Variants in FBXL13 observed in about 807,000 individuals in gnomAD.
The protein encoded by FBXL13 is F-box and leucine-rich repeat protein 13.
A neutral mutation model predicts 83.6 loss-of-function variants in FBXL13; 67 were observed. The ratio of observed to expected loss-of-function variants is 0.80; its 90% confidence interval spans 0.66 to 0.98. The LOEUF (loss-of-function observed/expected upper bound fraction) is 0.98. FBXL13 is among the 50% of genes least tolerant of loss of function. FBXL13 has a pLI of 0.00. For synonymous variants in FBXL13, 272 were observed against 299.5 expected, an observed-to-expected ratio of 0.91 and a Z score of 0.95; for missense variants, 822 against 866.5, an observed-to-expected ratio of 0.95 and a Z score of 0.64.
chr7:102,925,224 T>C (rs1033985366), intron 10 of FBXL13, among the ~76,000 whole-genome samples: 1 of 151,968 alleles, frequency 6.6e-6, no homozygotes, highest in Non-Finnish European at 1.5e-5. Flanking sequence ...TGAAACCCCA[T>C]CTCTACAGAA....
rs771827958 is a variant in FBXL13 at position 103,027,440 on chromosome 7, A to G, written c.327+9T>C. The G allele has an allele frequency of 1.3e-6, 2 of 1,588,680 alleles. No individual in the cohort carries two copies. The highest frequency in any genetic ancestry group is 2.2e-5 in the South Asian group (2 of 89,448). On this transcript the variant is annotated intron_variant, in intron 5 of 19. Coordinates refer to ENST00000313221, the Ensembl canonical transcript of FBXL13. ...CGGATTCTTAAAAAATTGTTTCAATATACAATACCAGCTCATCTTCTTTCT... is the reference window on the plus strand; with the variant it reads ...CGGATTCTTAAAAAATTGTTTCAATGTACAATACCAGCTCATCTTCTTTCT...
At chr7:103,061,894 C>G (rs796509962) in intron 1 of FBXL13, among the ~76,000 whole-genome samples, 19 of 147,116 alleles carry the variant, frequency 1.3e-4, no homozygotes, top group African/African-American at 4.5e-4. Flanking sequence ...GCTGAGATCG[C>G]GCCACTGCAC....
chr7:103,068,575 T>A (rs1798617211), intron 1 of FBXL13, among the ~76,000 whole-genome samples: 2 of 152,250 alleles, frequency 1.3e-5, no homozygotes, highest in Admixed American at 1.3e-4. Flanking sequence ...AGGAAATTTT[T>A]CTGAAGTGAG....
chr7:102,964,466 G>A (rs1365203336), intron 7 of FBXL13, among the ~76,000 whole-genome samples: 6 of 148,580 alleles, frequency 4.0e-5, no homozygotes, highest in Admixed American at 2.0e-4. Context: ...GCAGTGGCAC[G>A]ATCTTGGCTC....
chr7:102,976,633 A>AAACACCACACTCCCG (rs1483403534), intron 6 of FBXL13, among the ~76,000 whole-genome samples: 2 of 151,956 alleles, frequency 1.3e-5, no homozygotes, highest in Non-Finnish European at 2.9e-5. Flanking sequence ...CTCAGTCGCA[A>AAACACCACACTCCCG]AACACCACAC....
intron 16 of FBXL13, among the ~76,000 whole-genome samples, chr7:102,864,034 C>G: frequency 6.6e-6 from 1 of 152,178 alleles, no homozygotes; most frequent in East Asian, 1.9e-4. Flanking sequence ...CACACTGCCA[C>G]CAGAGTTATG....
chr7:102,855,912 C>G (rs1323329417), intron 16 of FBXL13, among the ~76,000 whole-genome samples: 2 of 149,410 alleles, frequency 1.3e-5, no homozygotes, highest in Non-Finnish European at 3.0e-5. Flanking sequence ...AAAAAAAAAG[C>G]CTGTATTAAT....
At chr7:102,885,095 T>A (rs912112677) in intron 11 of FBXL13, among the ~76,000 whole-genome samples, 1 of 152,244 alleles carries the variant, frequency 6.6e-6, no homozygotes, top group African/African-American at 2.4e-5. Flanking sequence ...TCTACACGCA[T>A]GTACATCTAT....
intron 1 of FBXL13, among the ~76,000 whole-genome samples, chr7:103,058,849 A>C (rs1797590828): frequency 2.6e-5 from 4 of 152,236 alleles, no homozygotes. Flanking sequence ...CACTTATAAT[A>C]AACTACTTTT....
intron 2 of FBXL13, among the ~76,000 whole-genome samples, chr7:103,054,439 A>G (rs1032607342): frequency 1.3e-5 from 2 of 151,352 alleles, no homozygotes; most frequent in African/African-American, 2.4e-5. Flanking sequence ...GGTTCCACAC[A>G]TATCTAATTT....
Position 102,834,098 on chromosome 7 carries a change from G to GGAAGGA in FBXL13, c.1720-1125_1720-1124insTCCTTC, listed in dbSNP as rs1432090797. Among the ~76,000 whole-genome samples the GGAAGGA allele has an allele frequency of 1.2e-3, 117 of 93,906 alleles. 1 individual carries two copies. Among genetic ancestry groups the GGAAGGA allele is most frequent in the African/African-American group, 4.4e-3 (87 of 19,672 alleles). The allele number at this position is 93,906 out of a possible 152,430, so 61.6% of individuals were successfully genotyped here. A position where few individuals can be genotyped will look rare whatever the true frequency, so the allele number is the denominator to read the frequency against. On this transcript the variant is annotated intron_variant, in intron 17 of 19. Coordinates refer to ENST00000313221, the Ensembl canonical transcript of FBXL13. ...GAAGGAAGGAAAGAAAAGAAAGAAA[G>GGAAGGA]AAAGAAAGAAAGAAAGAAAGAAAGA...
At chr7:102,965,541 C>T (rs976238793) in intron 7 of FBXL13, among the ~76,000 whole-genome samples, 2 of 152,142 alleles carry the variant, frequency 1.3e-5, no homozygotes, top group African/African-American at 4.8e-5. Context: ...AAATACACAA[C>T]ACATAAGTCA....
In FBXL13 at chr7:103,066,743, T is replaced by C. The variant is rs573096851; in HGVS notation, c.-105+7503A>G. 2.0e-4 allele frequency among the ~76,000 whole-genome samples: 30 copies of C among 152,222 alleles called. 1 individual carries two copies. In the South Asian group the frequency reaches 5.8e-3, roughly 29 times the overall value. On this transcript the variant is annotated intron_variant, in intron 1 of 19. Transcript: ENST00000313221. Reference sequence around the variant, plus strand: ...TGTTTAAAACTTTGGTTCTAGTGAATTGAAATGCAATTGATTTTTTAATAT... The same window carrying C: ...TGTTTAAAACTTTGGTTCTAGTGAACTGAAATGCAATTGATTTTTTAATAT...
chr7:102,958,967 A>G (rs565315326), intron 8 of FBXL13, among the ~76,000 whole-genome samples: 29 of 152,254 alleles, frequency 1.9e-4, no homozygotes, highest in African/African-American at 7.0e-4. Context: ...GGAGACATGA[A>G]CAAGACTCCT....
intron 2 of FBXL13, among the ~76,000 whole-genome samples, chr7:103,053,173 G>A (rs1374495356): frequency 1.3e-5 from 2 of 151,238 alleles, no homozygotes. Flanking sequence ...TTTTTGAGAC[G>A]AAGTCTTGCT....
intron 14 of FBXL13, among the ~76,000 whole-genome samples, chr7:102,882,032 G>A (rs537096667): frequency 1.5e-3 from 230 of 152,260 alleles, no homozygotes; most frequent in Non-Finnish European, 2.8e-3. Context: ...AGGCCAAGGT[G>A]GAAGGATCAC....
chr7:103,039,396 C>A (rs755662473), intron 2 of FBXL13, among the ~76,000 whole-genome samples: 1 of 152,158 alleles, frequency 6.6e-6, no homozygotes, highest in Non-Finnish European at 1.5e-5. Context: ...AGTTAGAAAA[C>A]ACTCTTCAGG....
At chr7:102,848,954 C>T (rs1339079735) in intron 17 of FBXL13, among the ~76,000 whole-genome samples, 6 of 151,962 alleles carry the variant, frequency 3.9e-5, no homozygotes, top group Non-Finnish European at 7.4e-5. Flanking sequence ...GAGTCGAGAT[C>T]GTGCCATTGC....
chr7:103,048,848 CTAGG>C (rs1796538329), intron 2 of FBXL13, among the ~76,000 whole-genome samples: 1 of 152,080 alleles, frequency 6.6e-6, no homozygotes, highest in Admixed American at 6.6e-5. Flanking sequence ...ACCCATTAAA[CTAGG>C]TAAAAATTTA....
Sources: allele counts gnomAD v4.1 joint callset (sites outside exome capture counted in the v4.1 genomes callset), GRCh38; gene constraint gnomAD v4.1.1; transcripts MANE v1.5; gene names NCBI Gene and HGNC (gene_info 2026-07-23, HGNC 2026-07-21).